CCP110: variants seen among roughly 807,000 people sequenced by gnomAD.
The protein encoded by CCP110 is centriolar coiled-coil protein of 110 kDa.
A neutral mutation model predicts 105.5 loss-of-function variants in CCP110; 43 were observed. That is an observed-to-expected ratio of 0.41 (90% confidence interval 0.32 to 0.53). The LOEUF is 0.53. CCP110 is among the 20% of genes least tolerant of loss of function. The probability of loss-of-function intolerance (pLI) is 0.32; values close to 1 mark genes in which losing one functional copy is unlikely to be tolerated. For missense variants in CCP110, 1,016 were observed against 1,189.1 expected (o/e 0.85, Z 2.14); for synonymous variants, 353 against 392.1 (o/e 0.90, Z 1.18).
chr16:19,548,114 T>G lies in CCP110; in HGVS notation c.2900+100T>G. 1.1e-6 allele frequency: 1 copy of G among 874,852 alleles called. No homozygotes were observed. Among genetic ancestry groups the G allele is most frequent in the South Asian group, 1.5e-5 (1 of 68,572 alleles). The allele number at this position is 874,852 out of a possible 1,614,324, so 54.2% of individuals were successfully genotyped here. Reference sequence around the variant, plus strand: ...GTTCTTTATGTAAAGGATAATGGTTTTTCAATGGGATTTTTTTTCTTTATA... The same window carrying G: ...GTTCTTTATGTAAAGGATAATGGTTGTTCAATGGGATTTTTTTTCTTTATA... On this transcript the variant is annotated intron_variant, in intron 13 of 14. Coordinates refer to ENST00000381396, the Ensembl canonical transcript of CCP110. The surrounding 1 kb of genome is among the most constrained non-coding windows in gnomAD (Gnocchi z 4.1).
chr16:19,539,606 G>A lies in CCP110; in HGVS notation c.1919-1051G>A, dbSNP rs559748307. Among the ~76,000 whole-genome samples, 239 of 151,856 alleles carry A rather than the reference G, an allele frequency of 1.6e-3. 1 individual carries two copies. The highest frequency in any genetic ancestry group is 3.4e-3 in the Middle Eastern group (1 of 292). ...TAGGCTCAGGTGATCAGCCCTCCTT[G>A]GCCTCCCAAAGTGCTGGGATTACAG... On this transcript the variant is annotated intron_variant, in intron 4 of 14. Coordinates refer to ENST00000381396, the Ensembl canonical transcript of CCP110.
chr16:19,546,000 T>C, intron 11 of CCP110, 110 bp downstream of exon 11: 1 of 657,334 alleles, frequency 1.5e-6, no homozygotes, highest in Non-Finnish European at 2.6e-6. Context: ...TTTTCTGCAG[T>C]TGAGCTGATA....
chr16:19,538,799 C>T (rs946494665), intron 4 of CCP110, among the ~76,000 whole-genome samples: 8 of 152,110 alleles, frequency 5.3e-5, no homozygotes, highest in Admixed American at 3.3e-4. Flanking sequence ...AGAAATAAGG[C>T]TCTGAGTAGG....
In CCP110 at chr16:19,548,538, G is replaced by T; in HGVS notation, c.2924G>T (p.Gly975Val). Residue 975 changes from glycine to valine, a missense_variant, in exon 14 of 15, where the codon GGG (glycine) becomes GTG (valine). Physicochemically the swap from Gly to Val is moderately radical, Grantham distance 109. Coordinates refer to ENST00000381396, the Ensembl canonical transcript of CCP110. This position sits in a 1 kb window ranked among gnomAD's most constrained non-coding sequence, Gnocchi z 4.1. ...AGAACCCCTAAGACATCAGTGAAGGGGGTTGTGCAAAATAGACAGAAGCCT... is the reference window on the plus strand; with the variant it reads ...AGAACCCCTAAGACATCAGTGAAGGTGGTTGTGCAAAATAGACAGAAGCCT... The T allele has an allele frequency of 6.5e-7, 1 of 1,549,082 alleles. No homozygotes were observed.
At chr16:19,551,103 CTCAG>C in intron 14 of CCP110, 89 bp from the exon 14 acceptor site, 1 of 781,418 alleles carries the variant, frequency 1.3e-6, no homozygotes, top group South Asian at 1.4e-5. Context: ...TATTGCCTAG[CTCAG>C]TGTTTGTTCC....
intron 1 of CCP110, chr16:19,526,507 C>G (rs1049945561): frequency 1.3e-5 from 2 of 152,154 alleles, no homozygotes; most frequent in African/African-American, 4.8e-5. Flanking sequence ...AAAATAGTCT[C>G]ACTCACACTG....
At chr16:19,533,022 CTATT>C (rs1969929274) in intron 3 of CCP110, among the ~76,000 whole-genome samples, 2 of 151,730 alleles carry the variant, frequency 1.3e-5, no homozygotes, top group Non-Finnish European at 2.9e-5. Context: ...TGTCTAAAAA[CTATT>C]TAAACAACAC....
intron 3 of CCP110, among the ~76,000 whole-genome samples, chr16:19,534,821 A>G (rs1393976467): frequency 1.3e-5 from 2 of 152,070 alleles, no homozygotes; most frequent in East Asian, 3.9e-4. Flanking sequence ...CATGTGGTCT[A>G]GAAAAAAACA....
chr16:19,545,719 A>C, intron 10 of CCP110, 98 bp from the exon 11 acceptor site: 1 of 700,194 alleles, frequency 1.4e-6, no homozygotes, highest in Non-Finnish European at 2.5e-6. Flanking sequence ...ATGTTAGTAG[A>C]GAGAAGCTTT....
exon 4 of CCP110, chr16:19,537,046 T>C (rs1205242137): frequency 6.2e-7 from 1 of 1,614,102 alleles, no homozygotes; most frequent in African/African-American, 1.3e-5. Context: ...GTAAATCAAA[T>C]CAGGTATGTC....
exon 4 of CCP110, chr16:19,537,297 A>G (rs1395401456): frequency 1.2e-6 from 2 of 1,614,220 alleles, no homozygotes; most frequent in East Asian, 4.5e-5. Flanking sequence ...GAACTGAATA[A>G]GTCTTATGAT....
intron 4 of CCP110, among the ~76,000 whole-genome samples, chr16:19,540,349 A>G (rs1435225040): frequency 6.6e-6 from 1 of 152,234 alleles, no homozygotes; most frequent in Non-Finnish European, 1.5e-5. Flanking sequence ...GCAGTTGAGG[A>G]CCACATCTGA....
chr16:19,538,184 A>G (rs1265049931), intron 4 of CCP110, among the ~76,000 whole-genome samples: 1 of 151,398 alleles, frequency 6.6e-6, no homozygotes, highest in Non-Finnish European at 1.5e-5. Context: ...CAGCGTCCTG[A>G]GTAGCTGGGA....
exon 4 of CCP110, chr16:19,536,998 C>T (rs746475205): frequency 6.2e-7 from 1 of 1,614,066 alleles, no homozygotes. Context: ...TTTATGTGGG[C>T]AAAAATACAT....
intron 14 of CCP110, among the ~76,000 whole-genome samples, chr16:19,549,505 G>A (rs942991383): frequency 2.0e-5 from 3 of 152,202 alleles, no homozygotes; most frequent in African/African-American, 7.2e-5. Context: ...TGTATGTAGT[G>A]AAGGTAATTC....
chr16:19,551,920 T>C (rs1482893312), exon 15 of CCP110: 4 of 152,176 alleles, frequency 2.6e-5, no homozygotes, highest in Admixed American at 6.5e-5. Context: ...ACATTTGTAC[T>C]AGGTTATAAG....
At chr16:19,530,682 C>CA (rs796911104) in intron 2 of CCP110, among the ~76,000 whole-genome samples, 1,610 of 138,590 alleles carry the variant, frequency 0.012, 18 homozygotes, top group African/African-American at 0.035. Context: ...GACCCTCTCT[C>CA]AAAAAAAAAA....
exon 15 of CCP110, chr16:19,553,084 G>A (rs1231633696): frequency 6.6e-6 from 1 of 152,186 alleles, no homozygotes; most frequent in East Asian, 1.9e-4. Context: ...CACTTTTTGT[G>A]TGTGTAATGC....
Position 19,546,475 on chromosome 16 carries a change from G to T in CCP110, c.2840+1G>T. On this transcript the variant is annotated splice_donor_variant, in intron 12 of 14. Transcript: ENST00000381396. LOFTEE classifies it high-confidence loss of function. Reference sequence around the variant, plus strand: ...TTAAACAAAATCCTTCTGAAACAAGGTGAGAAAAATCACTTAGTCTTAATG... The same window carrying T: ...TTAAACAAAATCCTTCTGAAACAAGTTGAGAAAAATCACTTAGTCTTAATG... 7.0e-6 allele frequency: 11 copies of T among 1,572,698 alleles called. No homozygotes were observed. Among genetic ancestry groups the T allele is most frequent in the Non-Finnish European group, 9.6e-6 (11 of 1,144,404 alleles).
Sources: gnomAD v4.1 joint callset for allele counts (sites outside exome capture counted in the v4.1 genomes callset) on GRCh38, gnomAD v4.1.1 for gene constraint, Gnocchi (gnomAD v3.1) non-coding constraint, MANE v1.5 for transcripts, NCBI Gene and HGNC (gene_info 2026-07-23, HGNC 2026-07-21) for gene names.